The following NFIB variants were observed in gnomAD, a reference collection of about 807,000 sequenced individuals.
NFIB encodes the protein nuclear factor 1 B-type.
In NFIB, 11 loss-of-function variants were observed where a neutral mutation model predicts 61.5. The ratio of observed to expected loss-of-function variants is 0.18; its 90% CI spans 0.11 to 0.30. NFIB has a LOEUF of 0.30. Among genes scored for constraint, NFIB ranks in the 10% least tolerant of loss-of-function variants. The pLI is 1.00. For missense variants in NFIB, 471 were observed against 608.9 expected (o/e 0.77, Z 2.38); for synonymous variants, 260 against 216.5 (o/e 1.20, Z -1.76).
chr9:14,106,421 A>C (rs1380561368), intron 10 of NFIB, among the ~76,000 whole-genome samples: 1 of 152,162 alleles, frequency 6.6e-6, no homozygotes, highest in Non-Finnish European at 1.5e-5. Flanking sequence ...CTTCCAAAAA[A>C]GCTATCAGTA....
chr9:14,231,633 G>T (rs148949608), intron 2 of NFIB, among the ~76,000 whole-genome samples: 2 of 152,108 alleles, frequency 1.3e-5, no homozygotes, highest in African/African-American at 4.8e-5. Context: ...TTTCTACCTT[G>T]CTGGTATGAT....
chr9:14,236,863 AT>A lies in NFIB; in HGVS notation c.563-57084del, dbSNP rs1376320112. 1.3e-4 allele frequency among the ~76,000 whole-genome samples: 19 copies of A among 151,244 alleles called. 1 individual carries two copies. The East Asian group carries it at 3.7e-3, about 30-fold the overall frequency. ...TTGGCTTCTCTTTAAAAAAAAAAAA[AT>A]AAAAACACAAAAAAGCCACTATTTG... is the stretch of plus-strand genomic sequence containing the variant. On this transcript the variant is annotated intron_variant, in intron 2 of 10. Transcript: ENST00000380953.
chr9:14,117,821 G>C (rs530409052), intron 8 of NFIB, among the ~76,000 whole-genome samples: 1 of 152,268 alleles, frequency 6.6e-6, no homozygotes, highest in African/African-American at 2.4e-5. Context: ...TGAATAGCAT[G>C]ACTGTCTCAC....
chr9:14,103,659 T>C (rs1291559089), intron 10 of NFIB, among the ~76,000 whole-genome samples: 1 of 151,998 alleles, frequency 6.6e-6, no homozygotes, highest in Non-Finnish European at 1.5e-5. Context: ...GATTCAGGAG[T>C]TTTAGAAAGA....
At chr9:14,384,899 T>A (rs1207876455) in intron 1 of NFIB, among the ~76,000 whole-genome samples, 1 of 152,156 alleles carries the variant, frequency 6.6e-6, no homozygotes, top group Non-Finnish European at 1.5e-5. Context: ...TCCTAAATCT[T>A]ACTGTAGAAA....
Position 14,188,828 on chromosome 9 carries a change from CAAG to C in NFIB, c.563-9051_563-9049del, listed in dbSNP as rs1329255588. On this transcript the variant is annotated intron_variant, in intron 2 of 10. Coordinates refer to ENST00000380953, the MANE Select transcript of NFIB (RefSeq NM_001190737.2). ...ATATACATTTTTTCCCCTTGGAAAC[CAAG>C]AAACCTGCATTTTACAACAAGGTAT... is the stretch of plus-strand genomic sequence containing the variant. 3.3e-5 allele frequency among the ~76,000 whole-genome samples: 5 copies of C among 152,192 alleles called. No homozygotes were observed. In the East Asian group the frequency reaches 9.7e-4, roughly 29 times the overall value.
the NFIB span, among the ~76,000 whole-genome samples, chr9:14,408,561 T>A: frequency 6.6e-6 from 1 of 152,222 alleles, no homozygotes; most frequent in South Asian, 2.1e-4. Context: ...AATTTCTGGA[T>A]GTGATTACAT....
At chr9:14,290,069 A>G (rs1215054088) in intron 2 of NFIB, among the ~76,000 whole-genome samples, 1 of 152,072 alleles carries the variant, frequency 6.6e-6, no homozygotes, top group East Asian at 1.9e-4. Flanking sequence ...TGAAAAATGG[A>G]TAGTAGTAAA....
chr9:14,267,279 G>A (rs1055675318), intron 2 of NFIB, among the ~76,000 whole-genome samples: 8 of 152,064 alleles, frequency 5.3e-5, no homozygotes, highest in African/African-American at 9.7e-5. Context: ...TTTAATTCAC[G>A]GTGAAGCCAA....
Position 14,148,991 on chromosome 9 carries a change from C to T in NFIB, c.806+1154G>A, listed in dbSNP as rs2131141053. Among the ~76,000 whole-genome samples the T allele has an allele frequency of 1.3e-5, 2 of 152,236 alleles. 1 individual carries two copies. Among genetic ancestry groups the T allele is most frequent in the Middle Eastern group, 6.8e-3 (2 of 294 alleles). ...CTAGAGAAATGTTTTTTAAACCTTG[C>T]TTACTCTGAAAGACAGTATCTTATA... On this transcript the variant is annotated intron_variant, in intron 5 of 10. Transcript: ENST00000380953.
the NFIB span, among the ~76,000 whole-genome samples, chr9:14,435,315 C>G: frequency 6.6e-6 from 1 of 152,216 alleles, no homozygotes; most frequent in South Asian, 2.1e-4. Flanking sequence ...ATAATTTTTG[C>G]TGTGGCCATG....
chr9:14,180,259 T>A (rs538391428), intron 2 of NFIB, among the ~76,000 whole-genome samples: 2 of 152,184 alleles, frequency 1.3e-5, no homozygotes, highest in Admixed American at 6.5e-5. Context: ...CAAGTACACA[T>A]ACCCACTCCA....
intron 2 of NFIB, among the ~76,000 whole-genome samples, chr9:14,230,063 C>CA (rs765410994): frequency 8.5e-4 from 129 of 152,292 alleles, no homozygotes; most frequent in Admixed American, 5.0e-3. Flanking sequence ...CCTTAGCCTC[C>CA]CAATGTGCTG....
chr9:14,290,987 G>A (rs1025245084), intron 2 of NFIB, among the ~76,000 whole-genome samples: 1 of 152,036 alleles, frequency 6.6e-6, no homozygotes, highest in Admixed American at 6.6e-5. Context: ...AATTGTGCCT[G>A]AAAAACATGC....
intron 1 of NFIB, among the ~76,000 whole-genome samples, chr9:14,367,971 A>C (rs1229288309): frequency 6.6e-6 from 1 of 152,132 alleles, no homozygotes; most frequent in Non-Finnish European, 1.5e-5. Flanking sequence ...TGGCACGTGT[A>C]TACCTATGTA....
rs565104146 is a variant in NFIB at position 14,387,661 on chromosome 9, A to G, written c.108+10863T>C. Among the ~76,000 whole-genome samples, 4 of 152,368 alleles carry G rather than the reference A, an allele frequency of 2.6e-5. No individual in the cohort carries two copies. In the South Asian group the frequency reaches 6.2e-4, roughly 24 times the overall value. ...AAATTAAGACAAGATATCATTTCAC[A>G]TCTATCAGACCAGCAAAAAATTTTC... On this transcript the variant is annotated intron_variant, in intron 1 of 8. Coordinates refer to the NFIB transcript ENST00000380934.
At chr9:14,416,082 G>T in the NFIB span, among the ~76,000 whole-genome samples, 7 of 152,256 alleles carry the variant, frequency 4.6e-5, no homozygotes, top group African/African-American at 1.4e-4. Flanking sequence ...AAGAAAAAAA[G>T]TCTAAACAGC....
chr9:14,526,956 A>G, the NFIB span, among the ~76,000 whole-genome samples: 2 of 152,200 alleles, frequency 1.3e-5, no homozygotes, highest in African/African-American at 4.8e-5. Flanking sequence ...ACTGTTTATT[A>G]AGATAGGATC....
intron 2 of NFIB, among the ~76,000 whole-genome samples, chr9:14,246,791 T>C (rs1442964229): frequency 6.6e-6 from 1 of 152,202 alleles, no homozygotes; most frequent in African/African-American, 2.4e-5. Context: ...ATCACCCTGC[T>C]ATTGACTGAA....
Sources: allele counts gnomAD v4.1 joint callset (sites outside exome capture counted in the v4.1 genomes callset), GRCh38; gene constraint gnomAD v4.1.1; transcripts MANE v1.5; gene names NCBI Gene and HGNC (gene_info 2026-07-23, HGNC 2026-07-21).